PCDHA4: variants seen among roughly 807,000 people sequenced by gnomAD.
The protein encoded by PCDHA4 is protocadherin alpha-4.
In PCDHA4, 49 loss-of-function variants were observed where a neutral mutation model predicts 61.4. That is an observed-to-expected ratio of 0.80 (90% CI 0.63 to 1.01). PCDHA4 has a LOEUF of 1.01. Ranked by LOEUF, PCDHA4 falls within the 50% of genes least tolerant of loss-of-function variation. The pLI is 0.00. For missense variants in PCDHA4, 1,254 were observed against 1,235.8 expected, an observed-to-expected ratio of 1.01 and a Z score of -0.22; for synonymous variants, 590 against 550.3, an observed-to-expected ratio of 1.07 and a Z score of -1.01.
At chr5:140,854,909 G>C (rs1295662316) in intron 1 of PCDHA4, among the ~76,000 whole-genome samples, 1 of 149,376 alleles carries the variant, frequency 6.7e-6, no homozygotes, top group Non-Finnish European at 1.5e-5. Flanking sequence ...AATATAACAG[G>C]GTTGAAAGCA....
intron 1 of PCDHA4, chr5:140,856,218 A>C: frequency 6.3e-7 from 1 of 1,597,930 alleles, no homozygotes; most frequent in Non-Finnish European, 8.6e-7. Flanking sequence ...GAGCTGGCGG[A>C]GCTGGTGCAG....
chr5:140,868,810 G>A lies in PCDHA4; in HGVS notation c.2385+59238G>A, dbSNP rs944762063. On this transcript the variant is annotated intron_variant, in intron 1 of 3. Transcript: ENST00000530339. Reference sequence around the variant, plus strand: ...GAATATTCCATAAATAAGCACGTTGGAAATATTTGGGGGAAGAAACCCAAA... The same window carrying A: ...GAATATTCCATAAATAAGCACGTTGAAAATATTTGGGGGAAGAAACCCAAA... 1.0e-4 allele frequency: 38 copies of A among 369,934 alleles called. No homozygotes were observed. The Admixed American group carries it at 1.3e-3, about 12-fold the overall frequency. The allele number at this position is 369,934 out of a possible 1,614,324, so 22.9% of individuals were successfully genotyped here.
intron 1 of PCDHA4, among the ~76,000 whole-genome samples, chr5:140,960,594 G>A (rs1341832093): frequency 6.6e-6 from 1 of 152,042 alleles, no homozygotes; most frequent in African/African-American, 2.4e-5. Flanking sequence ...CAAATTCAAG[G>A]TACTTCAACA....
At chr5:140,884,396 C>T (rs2060144550) in intron 1 of PCDHA4, 1 of 1,614,012 alleles carries the variant, frequency 6.2e-7, no homozygotes, top group Middle Eastern at 1.6e-4. Context: ...GGTGTCCAGC[C>T]TGTTGGTGCT....
chr5:140,874,587 T>A (rs1221042797), intron 1 of PCDHA4, among the ~76,000 whole-genome samples: 1 of 152,256 alleles, frequency 6.6e-6, no homozygotes, highest in Admixed American at 6.5e-5. Flanking sequence ...TGCTTTGGGA[T>A]AGTGTGAAAT....
chr5:140,989,575 G>A (rs2097349164), intron 3 of PCDHA4, among the ~76,000 whole-genome samples: 3 of 152,210 alleles, frequency 2.0e-5, no homozygotes. Flanking sequence ...GGCAAGCCCT[G>A]TCCTCAGCCT....
chr5:140,830,136 C>T (rs2150181675), intron 1 of PCDHA4: 3 of 1,613,258 alleles, frequency 1.9e-6, no homozygotes, highest in Non-Finnish European at 8.5e-7. Flanking sequence ...TCATCACGGG[C>T]GTCGGTGGGC....
At chr5:140,828,125 C>T (rs1769542170) in intron 1 of PCDHA4, 2 of 1,613,046 alleles carry the variant, frequency 1.2e-6, no homozygotes, top group East Asian at 4.5e-5. Flanking sequence ...ATTGGGAAAG[C>T]AATGTCTGCT....
At chr5:140,987,982 C>T (rs781838400) in intron 3 of PCDHA4, among the ~76,000 whole-genome samples, 16 of 152,206 alleles carry the variant, frequency 1.1e-4, no homozygotes, top group Non-Finnish European at 1.5e-4. Flanking sequence ...TCCATGGAGA[C>T]TCCATCTCTG....
intron 1 of PCDHA4, chr5:140,870,974 G>A: frequency 1.2e-6 from 2 of 1,613,628 alleles, no homozygotes; most frequent in Middle Eastern, 1.7e-4. Flanking sequence ...TTCCGCGTGG[G>A]GCTGTACACG....
At chr5:140,956,314 G>C (rs1262942129) in intron 1 of PCDHA4, among the ~76,000 whole-genome samples, 2 of 152,036 alleles carry the variant, frequency 1.3e-5, no homozygotes, top group Admixed American at 6.6e-5. Context: ...ATTATTTTGA[G>C]ATATGTTCCT....
intron 1 of PCDHA4, chr5:140,871,636 T>G (rs1311531075): frequency 1.5e-6 from 2 of 1,364,670 alleles, no homozygotes; most frequent in African/African-American, 2.9e-5. Flanking sequence ...TGTCTGTTCA[T>G]AAAATACCAA....
intron 1 of PCDHA4, chr5:140,843,271 G>A: frequency 6.3e-7 from 1 of 1,596,112 alleles, no homozygotes; most frequent in East Asian, 2.2e-5. Flanking sequence ...TGCTGGTCCT[G>A]GTGAAGGATC....
At position 140,821,972 on chromosome 5, in the gene PCDHA4, C is replaced by T. The variant is rs2150112402; in HGVS notation, c.2385+12400C>T. On this transcript the variant is annotated intron_variant, in intron 1 of 3. Transcript: ENST00000530339. ...CTGGTGCCGCGCCTGTTCCGGGTGG[C>T]GTCCAAGGGCCGCGGGGACCTTCTG... The T allele has an allele frequency of 7.4e-6, 12 of 1,614,018 alleles. No homozygotes were observed. In the African/African-American group the frequency reaches 9.3e-5, roughly 13 times the overall value.
intron 1 of PCDHA4, chr5:140,813,143 CTGTT>C (rs1198590971): frequency 6.6e-6 from 1 of 152,150 alleles, no homozygotes; most frequent in East Asian, 1.9e-4. Flanking sequence ...CTGTATATGT[CTGTT>C]AGTTCCATTT....
intron 1 of PCDHA4, among the ~76,000 whole-genome samples, chr5:140,920,281 A>G (rs1227812998): frequency 6.6e-6 from 1 of 152,176 alleles, no homozygotes; most frequent in Admixed American, 6.5e-5. Flanking sequence ...GTAATCTTAT[A>G]TTTTTTAGAG....
At chr5:140,923,219 CGTTTG>C (rs2081242278) in intron 1 of PCDHA4, among the ~76,000 whole-genome samples, 3 of 151,974 alleles carry the variant, frequency 2.0e-5, no homozygotes, top group Admixed American at 1.3e-4. Context: ...GTGAAAGGAT[CGTTTG>C]AGCCCAGAAG....
chr5:140,874,545 A>G (rs1362898895), intron 1 of PCDHA4, among the ~76,000 whole-genome samples: 1 of 152,240 alleles, frequency 6.6e-6, no homozygotes, highest in Non-Finnish European at 1.5e-5. Context: ...AAAACCCTTT[A>G]AGAGATCTTT....
Position 140,856,821 on chromosome 5 carries a change from C to G in PCDHA4, c.2385+47249C>G, listed in dbSNP as rs1554149155. ...ATGTATGAAAATCAAGTGAACCAAA[C>G]ATTAGTAATACGGCTCAACGCTTCT... is the stretch of plus-strand genomic sequence containing the variant. On this transcript the variant is annotated intron_variant, in intron 1 of 3. Transcript: ENST00000530339. 2.5e-6 allele frequency: 4 copies of G among 1,592,396 alleles called. 1 individual carries two copies. The South Asian group carries it at 4.4e-5, about 18-fold the overall frequency.
Sources: gnomAD v4.1 joint callset for allele counts (sites outside exome capture counted in the v4.1 genomes callset) on GRCh38, gnomAD v4.1.1 for gene constraint, MANE v1.5 for transcripts, NCBI Gene and HGNC (gene_info 2026-07-23, HGNC 2026-07-21) for gene names.